The following RBM34 variants were observed in gnomAD, a reference collection of about 807,000 sequenced individuals.
RBM34 encodes RNA-binding protein 34.
A neutral mutation model predicts 44.6 loss-of-function variants in RBM34; 39 were observed. The ratio of observed to expected loss-of-function variants is 0.87; its 90% CI spans 0.68 to 1.14. RBM34 has a LOEUF of 1.14. RBM34 is among the 50% of genes most tolerant of loss of function. The probability of loss-of-function intolerance (pLI) is 0.00; values close to 1 mark genes in which losing one functional copy is unlikely to be tolerated. For missense variants in RBM34, 572 were observed against 517.9 expected (o/e 1.10, Z -1.01); for synonymous variants, 194 against 184.0 (o/e 1.05, Z -0.44).
At chr1:235,146,565 A>G (rs1661915890) in intron 6 of RBM34, among the ~76,000 whole-genome samples, 1 of 152,160 alleles carries the variant, frequency 6.6e-6, no homozygotes, top group Non-Finnish European at 1.5e-5. Flanking sequence ...GAAACTAAAA[A>G]CACTTGCCTA....
chr1:235,139,822 T>C (rs1310784638), intron 6 of RBM34, among the ~76,000 whole-genome samples: 1 of 152,246 alleles, frequency 6.6e-6, no homozygotes. Flanking sequence ...CTGGCTCTTC[T>C]GGCTCTACGA....
At chr1:235,134,641 C>T (rs891973226) in intron 10 of RBM34, among the ~76,000 whole-genome samples, 4 of 151,754 alleles carry the variant, frequency 2.6e-5, no homozygotes, top group African/African-American at 9.7e-5. Context: ...TATCCAGGAT[C>T]AAAAACATTT....
intron 3 of RBM34, among the ~76,000 whole-genome samples, chr1:235,155,552 T>C (rs1398319493): frequency 6.7e-6 from 1 of 149,192 alleles, no homozygotes. Context: ...TCACCCAGGC[T>C]GGAGTGCAAT....
chr1:235,144,340 G>A (rs1661811618), intron 6 of RBM34, among the ~76,000 whole-genome samples: 1 of 152,160 alleles, frequency 6.6e-6, no homozygotes, highest in African/African-American at 2.4e-5. Context: ...TGAGGACAGA[G>A]GTGGAGGGAC....
chr1:235,140,537 G>A (rs1353961908), intron 6 of RBM34, among the ~76,000 whole-genome samples: 1 of 152,254 alleles, frequency 6.6e-6, no homozygotes, highest in Non-Finnish European at 1.5e-5. Context: ...CCGCAGGGCA[G>A]GGTTCGGGAC....
At chr1:235,145,823 T>C (rs1661876442) in intron 6 of RBM34, among the ~76,000 whole-genome samples, 1 of 152,134 alleles carries the variant, frequency 6.6e-6, no homozygotes, top group African/African-American at 2.4e-5. Context: ...GTCTTGCTTG[T>C]CGCTCAGGCT....
chr1:235,147,994 AC>A (rs1478717519), intron 6 of RBM34, among the ~76,000 whole-genome samples: 1 of 152,070 alleles, frequency 6.6e-6, no homozygotes, highest in Non-Finnish European at 1.5e-5. Flanking sequence ...GTGGTCCAAA[AC>A]CCTCAAACAG....
At chr1:235,137,446 C>A (rs1661471557) in intron 8 of RBM34, among the ~76,000 whole-genome samples, 1 of 152,188 alleles carries the variant, frequency 6.6e-6, no homozygotes, top group Non-Finnish European at 1.5e-5. Context: ...ACGACTACAG[C>A]TCACTGCAGC....
At position 235,161,230 on chromosome 1, in the gene RBM34, T is replaced by A. The variant is rs66929873; in HGVS notation, c.-4A>T. On this transcript the variant is annotated 5_prime_UTR_variant, in exon 1 of 11. Transcript: ENST00000408888. ...TGCTCATCCCTTCCAAGGCCATTCT[T>A]ACTCCAAAGACTCCCAGACTGCAGC... 0.12 allele frequency: 196,448 copies of A among 1,613,102 alleles called. 12,841 individuals are homozygous for A. Among genetic ancestry groups the A allele is most frequent in the African/African-American group, 0.19 (14,069 of 74,936 alleles).
chr1:235,151,783 A>G (rs538631633), intron 5 of RBM34, among the ~76,000 whole-genome samples: 2 of 152,310 alleles, frequency 1.3e-5, no homozygotes, highest in South Asian at 4.1e-4. Context: ...CTGTAATCCC[A>G]GCACTTTGGG....
intron 5 of RBM34, among the ~76,000 whole-genome samples, chr1:235,150,479 C>T (rs191954347): frequency 6.6e-6 from 1 of 152,052 alleles, no homozygotes; most frequent in Non-Finnish European, 1.5e-5. Flanking sequence ...ATCGGAAAAG[C>T]TTTGAAGAAG....
intron 10 of RBM34, among the ~76,000 whole-genome samples, chr1:235,132,642 C>T (rs975768541): frequency 2.6e-5 from 4 of 152,062 alleles, no homozygotes; most frequent in South Asian, 2.1e-4. Context: ...AAACCTCCTT[C>T]GTATAGCCAT....
At chr1:235,144,377 G>A (rs1393396136) in intron 6 of RBM34, among the ~76,000 whole-genome samples, 7 of 151,858 alleles carry the variant, frequency 4.6e-5, no homozygotes, top group Non-Finnish European at 8.8e-5. Context: ...GAAGAAACTC[G>A]AGATGATAAA....
chr1:235,148,258 T>C (rs888420968), intron 6 of RBM34, 146 bp downstream of exon 6: 4 of 483,522 alleles, frequency 8.3e-6, no homozygotes, highest in Non-Finnish European at 1.4e-5. Flanking sequence ...ATCTAAAGGC[T>C]CTCAAATACA....
At chr1:235,158,896 T>C (rs1453284197) in intron 3 of RBM34, among the ~76,000 whole-genome samples, 1 of 150,590 alleles carries the variant, frequency 6.6e-6, no homozygotes, top group African/African-American at 2.5e-5. Context: ...GGTAGGAGGA[T>C]GGTTTGAGCC....
intron 6 of RBM34, among the ~76,000 whole-genome samples, chr1:235,141,162 T>C (rs1440152788): frequency 6.6e-6 from 1 of 151,576 alleles, no homozygotes; most frequent in East Asian, 1.9e-4. Flanking sequence ...TAGCTCAAGG[T>C]TTGTGAGTGC....
intron 6 of RBM34, among the ~76,000 whole-genome samples, chr1:235,147,105 C>T (rs2102845787): frequency 6.6e-6 from 1 of 152,260 alleles, no homozygotes; most frequent in Admixed American, 6.5e-5. Flanking sequence ...GGTGTGCACA[C>T]CTGTAGTCCC....
rs372663591 is a variant in RBM34 at position 235,152,713 on chromosome 1, C to T, written c.650G>A (p.Arg217His). The change falls in exon 5 of 11, where the codon CGT (arginine) becomes CAT (histidine). Residue 217 changes from arginine to histidine, a missense_variant. Arg to His is a conservative substitution (Grantham distance 29). Transcript: ENST00000408888. ...CGGGGGAATGAAACATACCAGAGAA[C>T]GAAATCGTACAGATTCTATTTGTCC... The part of the protein sequence containing the change: ...EYGQIESVRF[R>H]SLIPAEGTLS... 36 of 1,598,900 alleles carry T rather than the reference C, an allele frequency of 2.3e-5. No individual in the cohort carries two copies. The highest frequency in any genetic ancestry group is 1.8e-4 in the African/African-American group (13 of 74,062).
intron 3 of RBM34, 113 bp from the exon 4 acceptor site, chr1:235,155,225 AT>A: frequency 1.2e-6 from 1 of 853,996 alleles, no homozygotes; most frequent in African/African-American, 1.7e-5. Context: ...TGTCTTCTGA[AT>A]TTTCCTAGAT....
Sources: gnomAD v4.1 joint callset for allele counts (sites outside exome capture counted in the v4.1 genomes callset) on GRCh38, gnomAD v4.1.1 for gene constraint, MANE v1.5 for transcripts, NCBI Gene and HGNC (gene_info 2026-07-23, HGNC 2026-07-21) for gene names.